The following PAPPA variants were observed in gnomAD, a reference collection of about 807,000 sequenced individuals.
The protein encoded by PAPPA is pappalysin 1.
Under a neutral mutation model 164.0 loss-of-function variants are expected in PAPPA, and 60 were observed. The observed-to-expected ratio is 0.37, with a 90% CI of 0.30 to 0.45. The LOEUF (loss-of-function observed/expected upper bound fraction) is 0.45. Among genes scored for constraint, PAPPA ranks in the 20% least tolerant of loss-of-function variants. The pLI is 1.00. For synonymous variants in PAPPA, 875 were observed against 814.1 expected (o/e 1.07, Z -1.27); for missense variants, 1,782 against 2,087.3 (o/e 0.85, Z 2.85).
chr9:116,189,392 A>C (rs1045096797), intron 2 of PAPPA, among the ~76,000 whole-genome samples: 1 of 152,254 alleles, frequency 6.6e-6, no homozygotes. Context: ...TCTACCTTAA[A>C]TATACACAAT....
chr9:116,218,758 G>C (rs1439440724), intron 4 of PAPPA, among the ~76,000 whole-genome samples: 1 of 152,140 alleles, frequency 6.6e-6, no homozygotes, highest in African/African-American at 2.4e-5. Flanking sequence ...ATATTGATCA[G>C]AAGCATGGCC....
At chr9:116,286,791 T>C (rs1845344965) in intron 9 of PAPPA, 1 of 152,232 alleles carries the variant, frequency 6.6e-6, no homozygotes, top group Admixed American at 6.5e-5. Context: ...AATTTGTTTT[T>C]TAAATGCTGG....
chr9:116,286,747 A>C (rs1845344340), intron 9 of PAPPA: 1 of 152,220 alleles, frequency 6.6e-6, no homozygotes, highest in Non-Finnish European at 1.5e-5. Context: ...ACTTCCTTTA[A>C]GGAAAGGGAA....
intron 2 of PAPPA, among the ~76,000 whole-genome samples, chr9:116,193,868 A>ATTCCTTTC (rs1844072615): frequency 6.6e-6 from 1 of 152,194 alleles, no homozygotes; most frequent in South Asian, 2.1e-4. Context: ...TAAGGCTTCC[A>ATTCCTTTC]TGAGCTCTGA....
intron 10 of PAPPA, among the ~76,000 whole-genome samples, chr9:116,328,779 A>G (rs1171708822): frequency 6.6e-6 from 1 of 152,184 alleles, no homozygotes; most frequent in Admixed American, 6.6e-5. Flanking sequence ...ATGGAATCCA[A>G]GGAATCCATG....
intron 7 of PAPPA, among the ~76,000 whole-genome samples, chr9:116,255,994 G>A (rs1208974247): frequency 6.6e-6 from 1 of 150,856 alleles, no homozygotes; most frequent in Non-Finnish European, 1.5e-5. Context: ...AAATGCCTGA[G>A]CTGAAAAATT....
chr9:116,304,791 A>C (rs1845622988), intron 10 of PAPPA, among the ~76,000 whole-genome samples: 2 of 152,180 alleles, frequency 1.3e-5, no homozygotes, highest in African/African-American at 4.8e-5. Context: ...TGAGGAAACA[A>C]AATCATCCTA....
At chr9:116,221,297 G>A (rs1844443067) in intron 5 of PAPPA, among the ~76,000 whole-genome samples, 1 of 152,186 alleles carries the variant, frequency 6.6e-6, no homozygotes, top group Admixed American at 6.5e-5. Context: ...CCATAATTCA[G>A]GGAAGATTAA....
chr9:116,182,194 ATAATTAACGTAGAG>A (rs1327790663), intron 1 of PAPPA, among the ~76,000 whole-genome samples: 1 of 152,230 alleles, frequency 6.6e-6, no homozygotes, highest in African/African-American at 2.4e-5. Context: ...ATTAAGCAAG[ATAATTAACGTAGAG>A]TAAATGATAG....
chr9:116,161,708 A>G lies in PAPPA; in HGVS notation c.415+7121A>G, dbSNP rs1464221272. 3.4e-5 allele frequency among the ~76,000 whole-genome samples: 5 copies of G among 149,206 alleles called. No homozygotes were observed. The East Asian group carries it at 9.7e-4, about 29-fold the overall frequency. On this transcript the variant is annotated intron_variant, in intron 1 of 21. Coordinates refer to ENST00000328252, the MANE Select transcript of PAPPA (RefSeq NM_002581.5). ...TTTGTTTATTTGTTTAAAAAGCTCC[A>G]GAAAAAAAAAAAAAAAGGTTCTGGG...
intron 2 of PAPPA, among the ~76,000 whole-genome samples, chr9:116,202,608 C>T (rs964684027): frequency 3.3e-5 from 5 of 152,004 alleles, no homozygotes; most frequent in Non-Finnish European, 7.4e-5. Context: ...TCTTGAGAGG[C>T]GGCTCAGGGG....
chr9:116,393,809 C>A (rs7026755), intron 21 of PAPPA, among the ~76,000 whole-genome samples: 88,478 of 151,870 alleles, frequency 0.58, 26,139 homozygotes, highest in Admixed American at 0.65. Flanking sequence ...AACAGAGTAT[C>A]TGGGGAACCA....
At chr9:116,231,778 T>TTTTTTTTTTTTTTTTTTGG (rs1564192736) in intron 6 of PAPPA, among the ~76,000 whole-genome samples, 1 of 144,094 alleles carries the variant, frequency 6.9e-6, no homozygotes, top group Non-Finnish European at 1.5e-5. Context: ...TTTTTTTTTT[T>TTTTTTTTTTTTTTTTTTGG]GAGATGGAGT....
At chr9:116,291,321 G>T (rs1845433002) in intron 9 of PAPPA, among the ~76,000 whole-genome samples, 1 of 152,140 alleles carries the variant, frequency 6.6e-6, no homozygotes, top group South Asian at 2.1e-4. Context: ...GACAGATGGT[G>T]AGGCATGATG....
intron 10 of PAPPA, among the ~76,000 whole-genome samples, chr9:116,328,052 G>T (rs1446224155): frequency 6.6e-6 from 1 of 152,182 alleles, no homozygotes; most frequent in Non-Finnish European, 1.5e-5. Flanking sequence ...ACTGACAAGA[G>T]GAAATAGTAT....
Position 116,402,278 on chromosome 9 carries a change from T to C in PAPPA, c.*5662T>C, listed in dbSNP as rs766285229. 1.3e-5 allele frequency: 2 copies of C among 152,414 alleles called. No individual in the cohort carries two copies. The highest frequency in any genetic ancestry group is 2.9e-5 in the Non-Finnish European group (2 of 67,922). The allele number at this position is 152,414 out of a possible 1,614,324, so 9.4% of individuals were successfully genotyped here. A position where few individuals can be genotyped will look rare whatever the true frequency, so the allele number is the denominator to read the frequency against. ...TTTGCCACTGTTGATTACTATACTT[T>C]AAAGTTCTATATTATGAAAATATAT... is the stretch of plus-strand genomic sequence containing the variant. On this transcript the variant is annotated 3_prime_UTR_variant, in exon 22 of 22. Transcript: ENST00000328252.
intron 6 of PAPPA, among the ~76,000 whole-genome samples, chr9:116,230,808 C>T (rs970239831): frequency 6.6e-6 from 1 of 152,128 alleles, no homozygotes; most frequent in Admixed American, 6.5e-5. Context: ...CATGTTTTAT[C>T]TGTAGCCTAT....
rs1042027213 is a variant in PAPPA at position 116,397,894 on chromosome 9, C to T, written c.*1278C>T. 6.6e-6 allele frequency: 1 copy of T among 152,644 alleles called. No homozygotes were observed. Among genetic ancestry groups the T allele is most frequent in the African/African-American group, 2.4e-5 (1 of 41,446 alleles). 9.5% of individuals were successfully genotyped at this position (152,644 alleles called of 1,614,324 possible). A position where few individuals can be genotyped will look rare whatever the true frequency, so the allele number is the denominator to read the frequency against. The stretch of plus-strand genomic sequence containing the variant: ...TTTGATCCTGAGAACCTTGCTGTTG[C>T]TCTGAGGAGATATAATTCTGGGAGA... On this transcript the variant is annotated 3_prime_UTR_variant, in exon 22 of 22. Transcript: ENST00000328252.
At chr9:116,325,283 A>G (rs1845906799) in intron 10 of PAPPA, among the ~76,000 whole-genome samples, 1 of 152,172 alleles carries the variant, frequency 6.6e-6, no homozygotes, top group Admixed American at 6.5e-5. Flanking sequence ...CAGTGGCTCT[A>G]AACTCCCAGA....
Sources: allele counts gnomAD v4.1 joint callset (sites outside exome capture counted in the v4.1 genomes callset), GRCh38; gene constraint gnomAD v4.1.1; transcripts MANE v1.5; gene names NCBI Gene and HGNC (gene_info 2026-07-23, HGNC 2026-07-21).